The following MARCKSL1 variants were observed in gnomAD, a reference collection of about 807,000 sequenced individuals.
MARCKSL1 encodes MARCKS-related protein.
A neutral mutation model predicts 13.3 loss-of-function variants in MARCKSL1; 5 were observed. The observed-to-expected ratio is 0.38, with a 90% CI of 0.20 to 0.79. The LOEUF (loss-of-function observed/expected upper bound fraction) is 0.79, where lower values mean the gene tolerates loss of function less well. Ranked by LOEUF, MARCKSL1 falls within the 30% of genes least tolerant of loss-of-function variation. The pLI is 0.45. For synonymous variants in MARCKSL1, 126 were observed against 103.2 expected, an observed-to-expected ratio of 1.22 and a Z score of -1.34; for missense variants, 274 against 251.6, an observed-to-expected ratio of 1.09 and a Z score of -0.60.
In MARCKSL1 at chr1:32,335,333, C is replaced by T. The variant is rs770889724; in HGVS notation, c.88-236G>A. 1.3e-5 allele frequency among the ~76,000 whole-genome samples: 2 copies of T among 152,068 alleles called. No homozygotes were observed. The highest frequency in any genetic ancestry group is 2.9e-5 in the Non-Finnish European group (2 of 67,954). On this transcript the variant is annotated intron_variant, in intron 1 of 1. Transcript: ENST00000329421. The surrounding 1 kb of genome is among the most constrained non-coding windows in gnomAD (Gnocchi z 4.1). ...AGGAGGCGCTGGGGTCCCGTGGCCC[C>T]CACCCCCGTCCCCCGGGGCGCGCTC...
Position 32,335,729 on chromosome 1 carries a change from C to G in MARCKSL1, c.87+218G>C, listed in dbSNP as rs1345487816. ...CAGCGCCGGGGACCGGGGCCGCGAA[C>G]AAAGAAGGCGGCAGGGCCCGGCCGG... On this transcript the variant is annotated intron_variant, in intron 1 of 1. Transcript: ENST00000329421. The surrounding 1 kb of genome is among the most constrained non-coding windows in gnomAD (Gnocchi z 4.1). Among the ~76,000 whole-genome samples, 1 of 151,036 alleles carries G rather than the reference C, an allele frequency of 6.6e-6. No individual in the cohort carries two copies. The highest frequency in any genetic ancestry group is 1.5e-5 in the Non-Finnish European group (1 of 67,612).
In MARCKSL1 at chr1:32,336,004, C is replaced by G; in HGVS notation, c.30G>C (p.Arg10=). The G allele has an allele frequency of 7.7e-7, 1 of 1,297,034 alleles. No homozygotes were observed. 80.3% of individuals were successfully genotyped at this position (1,297,034 alleles called of 1,614,324 possible). Residue 10 remains arginine (R), a synonymous_variant, in exon 1 of 2, where the codon CGG becomes CGC. Transcript: ENST00000329421. MGSQSSKAP[R]GDVTAEEAAG... is the part of the protein sequence containing the mutation. ...CTGCCTCCTCGGCGGTCACGTCGCC[C>G]CGGGGAGCCTTGGAGCTCTGGCTGC...
At position 32,335,410 on chromosome 1, in the gene MARCKSL1, G is replaced by A. The variant is rs1462441449; in HGVS notation, c.88-313C>T. 6.6e-6 allele frequency among the ~76,000 whole-genome samples: 1 copy of A among 151,544 alleles called. No homozygotes were observed. The highest frequency in any genetic ancestry group is 1.5e-5 in the Non-Finnish European group (1 of 67,726). ...TCTGCTGTGCGGATCCCGGGCAGGC[G>A]GGCGAGCCGCTCTAGGCGACATTGG... On this transcript the variant is annotated intron_variant, in intron 1 of 1. Transcript: ENST00000329421. The surrounding 1 kb of genome is among the most constrained non-coding windows in gnomAD (Gnocchi z 4.1).
Position 32,334,718 on chromosome 1 carries a change from G to A in MARCKSL1, c.467C>T (p.Ala156Val), listed in dbSNP as rs1271022038. 1.2e-6 allele frequency: 2 copies of A among 1,612,474 alleles called. No individual in the cohort carries two copies. The highest frequency in any genetic ancestry group is 2.7e-5 in the African/African-American group (2 of 74,874). Residue 156 changes from alanine to valine, a missense_variant, in exon 2 of 2, where the codon GCC (alanine) becomes GTC (valine). Coordinates refer to ENST00000329421, the MANE Select transcript of MARCKSL1 (RefSeq NM_023009.7). ...GGCTGCACTAGCCTCTGCCCCCTTG[G>A]CCTGGGGTTCCTGGCTCTCAGGGGT... ...AATPESQEPQ[A>V]KGAEASAASE...
rs1175917747 is a variant in MARCKSL1 at position 32,335,048 on chromosome 1, C to T, written c.137G>A (p.Gly46Glu). The change falls in exon 2 of 2, where the codon GGG becomes GAG. Residue 46 changes from glycine (G) to glutamate (E), a missense_variant. Coordinates refer to ENST00000329421, the MANE Select transcript of MARCKSL1 (RefSeq NM_023009.7). The surrounding 1 kb of genome is among the most constrained non-coding windows in gnomAD (Gnocchi z 4.1). Reference protein sequence around the residue: ...SNGDLSPKGEGESPPVNGTDE... With the variant: ...SNGDLSPKGEEESPPVNGTDE... ...TGTTCCGTTCACAGGGGGCGACTCC[C>T]CTTCACCCTTGGGGGATAAGTCTCC... The T allele has an allele frequency of 6.4e-7, 1 of 1,559,210 alleles. No homozygotes were observed. Among genetic ancestry groups the T allele is most frequent in the Non-Finnish European group, 8.7e-7 (1 of 1,154,416 alleles).
Position 32,335,980 on chromosome 1 carries a change from T to C in MARCKSL1, c.54A>G (p.Ala18=). 1 of 1,294,400 alleles carries C rather than the reference T, an allele frequency of 7.7e-7. No individual in the cohort carries two copies. Among genetic ancestry groups the C allele is most frequent in the Non-Finnish European group, 9.8e-7 (1 of 1,018,600 alleles). 80.2% of individuals were successfully genotyped at this position (1,294,400 alleles called of 1,614,324 possible). The change falls in exon 1 of 2, where the codon GCA becomes GCG. Residue 18 remains alanine, a synonymous_variant. Coordinates refer to ENST00000329421, the MANE Select transcript of MARCKSL1 (RefSeq NM_023009.7). This position sits in a 1 kb window ranked among gnomAD's most constrained non-coding sequence, Gnocchi z 4.1. ...APRGDVTAEE[A]AGASPAKANG... is the part of the protein sequence containing the mutation. ...TGGCCTTCGCGGGGGAAGCGCCTGCTGCCTCCTCGGCGGTCACGTCGCCCC... is the reference window on the plus strand; with the variant it reads ...TGGCCTTCGCGGGGGAAGCGCCTGCCGCCTCCTCGGCGGTCACGTCGCCCC...
chr1:32,334,588 C>A lies in MARCKSL1; in HGVS notation c.*9G>T. 3 of 1,527,320 alleles carry A rather than the reference C, an allele frequency of 2.0e-6. No individual in the cohort carries two copies. The highest frequency in any genetic ancestry group is 2.6e-6 in the Non-Finnish European group (3 of 1,137,588). 94.6% of individuals were successfully genotyped at this position (1,527,320 alleles called of 1,614,324 possible). ...GCAGCTTAGAGATCACCCACCTGCC[C>A]CTACCTAGCTACTCATTCTGCTCAG... On this transcript the variant is annotated 3_prime_UTR_variant, in exon 2 of 2. Transcript: ENST00000329421.
In MARCKSL1 at chr1:32,334,940, G is replaced by C. The variant is rs775098123; in HGVS notation, c.245C>G (p.Pro82Arg). 3.1e-6 allele frequency: 5 copies of C among 1,612,236 alleles called. No individual in the cohort carries two copies. Among genetic ancestry groups the C allele is most frequent in the Admixed American group, 3.3e-5 (2 of 60,000 alleles). ...QGAEAKGEVPPKETPKKKKKF... is the reference protein window; with the variant it reads ...QGAEAKGEVPRKETPKKKKKF... The stretch of plus-strand genomic sequence containing the variant: ...CTTCTTCTTCTTGGGGGTCTCCTTG[G>C]GGGGGACCTCCCCCTTGGCCTCAGC... The change falls in exon 2 of 2, where the codon CCC becomes CGC. Residue 82 changes from proline to arginine, a missense_variant. Coordinates refer to ENST00000329421, the MANE Select transcript of MARCKSL1 (RefSeq NM_023009.7).
In MARCKSL1 at chr1:32,336,183, G is replaced by A. The variant is rs912638713; in HGVS notation, c.-150C>T. 10 of 353,560 alleles carry A rather than the reference G, an allele frequency of 2.8e-5. No individual in the cohort carries two copies. The South Asian group carries it at 8.2e-4, about 29-fold the overall frequency. 21.9% of individuals were successfully genotyped at this position (353,560 alleles called of 1,614,324 possible). ...AAGCCGAGCTGCACCTCCGCTCCGC[G>A]GCCGACCCGCTAGCTGCGCCCGCCG... is the stretch of plus-strand genomic sequence containing the variant. On this transcript the variant is annotated 5_prime_UTR_variant, in exon 1 of 2. Coordinates refer to ENST00000329421, the MANE Select transcript of MARCKSL1 (RefSeq NM_023009.7).
rs1641392436 is a variant in MARCKSL1, at chr1:32,336,215, C to G, written c.-182G>C. 1 of 328,410 alleles carries G rather than the reference C, an allele frequency of 3.0e-6. No individual in the cohort carries two copies. Among genetic ancestry groups the G allele is most frequent in the Admixed American group, 4.9e-5 (1 of 20,340 alleles). 20.3% of individuals were successfully genotyped at this position (328,410 alleles called of 1,614,324 possible). On this transcript the variant is annotated 5_prime_UTR_variant, in exon 1 of 2. Transcript: ENST00000329421. ...CCGCTAGCTGCGCCCGCCGCCGCTC[C>G]GCTCCGCGCCAGAATGCCGCCCGCC...
chr1:32,335,952 C>G lies in MARCKSL1; in HGVS notation c.82G>C (p.Gly28Arg), dbSNP rs765605376. ...GCCGGGCCAAGCGTACCCACCTGGCCGTTGGCCTTCGCGGGGGAAGCGCCT... is the reference window on the plus strand; with the variant it reads ...GCCGGGCCAAGCGTACCCACCTGGCGGTTGGCCTTCGCGGGGGAAGCGCCT... The part of the protein sequence containing the change: ...AAGASPAKAN[G>R]QENGHVKSNG... Residue 28 changes from glycine to arginine, a missense_variant, in exon 1 of 2, where the codon GGC becomes CGC. By Grantham distance (125) the Gly-to-Arg change is moderately radical. Transcript: ENST00000329421. This position sits in a 1 kb window ranked among gnomAD's most constrained non-coding sequence, Gnocchi z 4.1. The G allele has an allele frequency of 7.7e-7, 1 of 1,291,674 alleles. No individual in the cohort carries two copies. The highest frequency in any genetic ancestry group is 3.1e-5 in the South Asian group (1 of 32,288). 80.0% of individuals were successfully genotyped at this position (1,291,674 alleles called of 1,614,324 possible). A position where few individuals can be genotyped will look rare whatever the true frequency, so the allele number is the denominator to read the frequency against.
At position 32,335,032 on chromosome 1, in the gene MARCKSL1, C is replaced by T; in HGVS notation, c.153G>A (p.Val51=). Residue 51 remains valine (V), a synonymous_variant, in exon 2 of 2, where the codon GTG becomes GTA. Transcript: ENST00000329421. This position sits in a 1 kb window ranked among gnomAD's most constrained non-coding sequence, Gnocchi z 4.1. ...CCCCGGCTGCCTCATCTGTTCCGTT[C>T]ACAGGGGGCGACTCCCCTTCACCCT... is the stretch of plus-strand genomic sequence containing the variant. ...SPKGEGESPP[V]NGTDEAAGAT... The T allele has an allele frequency of 1.3e-6, 2 of 1,575,830 alleles. No individual in the cohort carries two copies. Among genetic ancestry groups the T allele is most frequent in the Non-Finnish European group, 1.7e-6 (2 of 1,162,428 alleles).
In MARCKSL1 at chr1:32,335,743, G is replaced by T. The variant is rs1431711499; in HGVS notation, c.87+204C>A. Among the ~76,000 whole-genome samples, 1 of 150,978 alleles carries T rather than the reference G, an allele frequency of 6.6e-6. No individual in the cohort carries two copies. Among genetic ancestry groups the T allele is most frequent in the Non-Finnish European group, 1.5e-5 (1 of 67,590 alleles). Reference sequence around the variant, plus strand: ...GGGGCCGCGAACAAAGAAGGCGGCAGGGCCCGGCCGGCGCCCCCTCCCCGC... The same window carrying T: ...GGGGCCGCGAACAAAGAAGGCGGCATGGCCCGGCCGGCGCCCCCTCCCCGC... On this transcript the variant is annotated intron_variant, in intron 1 of 1. Coordinates refer to ENST00000329421, the MANE Select transcript of MARCKSL1 (RefSeq NM_023009.7). The surrounding 1 kb of genome is among the most constrained non-coding windows in gnomAD (Gnocchi z 4.1).
Position 32,334,642 on chromosome 1 carries a change from C to T in MARCKSL1, c.543G>A (p.Gly181=), listed in dbSNP as rs1641352533. 1.3e-6 allele frequency: 2 copies of T among 1,599,058 alleles called. No individual in the cohort carries two copies. The highest frequency in any genetic ancestry group is 3.5e-5 in the Admixed American group (2 of 57,948). The part of the protein sequence containing the change: ...PQATEPSTPS[G]PESGPTPASA... Reference sequence around the variant, plus strand: ...TGGCTGGTGTAGGGCCACTCTCCGGCCCCGAGGGAGTGGATGGCTCTGTAG... The same window carrying T: ...TGGCTGGTGTAGGGCCACTCTCCGGTCCCGAGGGAGTGGATGGCTCTGTAG... Residue 181 remains glycine, a synonymous_variant, in exon 2 of 2, where the codon GGG becomes GGA. Transcript: ENST00000329421.
Position 32,333,999 on chromosome 1 carries a change from A to G in MARCKSL1, c.*598T>C, listed in dbSNP as rs1159199953. 1 of 152,646 alleles carries G rather than the reference A, an allele frequency of 6.6e-6. No homozygotes were observed. The highest frequency in any genetic ancestry group is 1.5e-5 in the Non-Finnish European group (1 of 68,068). 9.5% of individuals were successfully genotyped at this position (152,646 alleles called of 1,614,324 possible). The stretch of plus-strand genomic sequence containing the variant: ...AAAAAAAGACAAGAAGTTGTTTCAC[A>G]TTACAGACCTCCCCCCACCCCAAAG... On this transcript the variant is annotated 3_prime_UTR_variant, in exon 2 of 2. Coordinates refer to ENST00000329421, the MANE Select transcript of MARCKSL1 (RefSeq NM_023009.7).
Position 32,335,083 on chromosome 1 carries a change from C to G in MARCKSL1, c.102G>C (p.Val34=). The change falls in exon 2 of 2, where the codon GTG becomes GTC. Residue 34 remains valine, a synonymous_variant. Coordinates refer to ENST00000329421, the MANE Select transcript of MARCKSL1 (RefSeq NM_023009.7). The surrounding 1 kb of genome is among the most constrained non-coding windows in gnomAD (Gnocchi z 4.1). ...TGGGGGATAAGTCTCCATTGCTTTTCACGTGGCCATTCTCCTGCAGGGCAG... is the reference window on the plus strand; with the variant it reads ...TGGGGGATAAGTCTCCATTGCTTTTGACGTGGCCATTCTCCTGCAGGGCAG... ...AKANGQENGH[V]KSNGDLSPKG... is the part of the protein sequence containing the mutation. 1 of 1,525,754 alleles carries G rather than the reference C, an allele frequency of 6.6e-7. No individual in the cohort carries two copies. Among genetic ancestry groups the G allele is most frequent in the East Asian group, 2.3e-5 (1 of 44,152 alleles). 94.5% of individuals were successfully genotyped at this position (1,525,754 alleles called of 1,614,324 possible).
chr1:32,336,218 T>TCCGCG lies in MARCKSL1; in HGVS notation c.-190_-186dup, dbSNP rs1641392523. 1.5e-5 allele frequency: 5 copies of TCCGCG among 325,580 alleles called. No homozygotes were observed. The highest frequency in any genetic ancestry group is 2.9e-4 in the South Asian group (2 of 6,908). The allele number at this position is 325,580 out of a possible 1,614,324, so 20.2% of individuals were successfully genotyped here. ...CTAGCTGCGCCCGCCGCCGCTCCGC[T>TCCGCG]CCGCGCCAGAATGCCGCCCGCCGCC... is the stretch of plus-strand genomic sequence containing the variant. On this transcript the variant is annotated 5_prime_UTR_variant, in exon 1 of 2. Coordinates refer to ENST00000329421, the MANE Select transcript of MARCKSL1 (RefSeq NM_023009.7).
chr1:32,335,627 C>CGCGGCCCCTGG lies in MARCKSL1; in HGVS notation c.87+309_87+319dup, dbSNP rs1641377410. Among the ~76,000 whole-genome samples, 1 of 151,710 alleles carries CGCGGCCCCTGG rather than the reference C, an allele frequency of 6.6e-6. No individual in the cohort carries two copies. Among genetic ancestry groups the CGCGGCCCCTGG allele is most frequent in the Non-Finnish European group, 1.5e-5 (1 of 67,826 alleles). On this transcript the variant is annotated intron_variant, in intron 1 of 1. Coordinates refer to ENST00000329421, the MANE Select transcript of MARCKSL1 (RefSeq NM_023009.7). This position sits in a 1 kb window ranked among gnomAD's most constrained non-coding sequence, Gnocchi z 4.1. ...TGCGCTCCCCGCCGGGCCCCAGCTC[C>CGCGGCCCCTGG]GCGGCCCCTGGGCGCCCCCTTGGCG...
rs200731262 is a variant in MARCKSL1, at chr1:32,335,113, A to T, written c.88-16T>A. 1.1e-5 allele frequency: 17 copies of T among 1,515,420 alleles called. No homozygotes were observed. In the African/African-American group the frequency reaches 1.7e-4, roughly 15 times the overall value. 93.9% of individuals were successfully genotyped at this position (1,515,420 alleles called of 1,614,324 possible). A position where few individuals can be genotyped will look rare whatever the true frequency, so the allele number is the denominator to read the frequency against. The stretch of plus-strand genomic sequence containing the variant: ...GGCCATTCTCCTGCAGGGCAGAGGG[A>T]ATAGCAATGAGGGCAGGGGCTCCCC... On this transcript the variant is annotated splice_polypyrimidine_tract_variant and intron_variant, in intron 1 of 1. Coordinates refer to ENST00000329421, the MANE Select transcript of MARCKSL1 (RefSeq NM_023009.7). This position sits in a 1 kb window ranked among gnomAD's most constrained non-coding sequence, Gnocchi z 4.1.
Sources: allele counts gnomAD v4.1 joint callset (sites outside exome capture counted in the v4.1 genomes callset), GRCh38; gene constraint gnomAD v4.1.1; non-coding constraint Gnocchi (gnomAD v3.1); transcripts MANE v1.5; gene names NCBI Gene and HGNC (gene_info 2026-07-23, HGNC 2026-07-21).